SETD9: variants seen among roughly 807,000 people sequenced by gnomAD.
SETD9 encodes the protein SET domain containing 9, also known as SET domain-containing protein 9.
SETD9 carries 37 observed loss-of-function variants against 36.4 expected under a neutral mutation model. The ratio of observed to expected loss-of-function variants is 1.02; its 90% CI spans 0.78 to 1.34. The LOEUF is 1.34. SETD9 is among the 40% of genes most tolerant of loss of function. SETD9 has a pLI of 0.00. For missense variants in SETD9, 323 were observed against 353.2 expected (o/e 0.91, Z 0.69); for synonymous variants, 128 against 132.9 (o/e 0.96, Z 0.26).
At chr5:56,914,712 A>T (rs981056891) in intron 4 of SETD9, 149 bp from the exon 5 acceptor site, 9 of 372,772 alleles carry the variant, frequency 2.4e-5, no homozygotes, top group Middle Eastern at 7.4e-4. Context: ...TACGTAAATA[A>T]ACTCTGACAG....
rs370869934 is a variant in SETD9, at chr5:56,911,519, T to C, written c.449T>C (p.Val150Ala). 2.5e-6 allele frequency: 4 copies of C among 1,571,684 alleles called. No individual in the cohort carries two copies. The highest frequency in any genetic ancestry group is 2.6e-6 in the Non-Finnish European group (3 of 1,163,690). Reference protein sequence around the residue: ...VTKGLVPKGAVVSMYPGTVYQ... With the variant: ...VTKGLVPKGAAVSMYPGTVYQ... ...AAAGGATTGGTACCAAAAGGCGCAG[T>C]CGTATCTATGTATCCTGGTAACAGC... The change falls in exon 2 of 6, where the codon GTC (valine) becomes GCC (alanine). Residue 150 changes from valine to alanine, a missense_variant. By Grantham distance (64) the Val-to-Ala change is moderately conservative. Transcript: ENST00000285947.
intron 1 of SETD9, 101 bp downstream of exon 1, chr5:56,909,844 G>C (rs1749008644): frequency 1.1e-6 from 1 of 898,060 alleles, no homozygotes; most frequent in Non-Finnish European, 1.6e-6. Flanking sequence ...CTGACTGCCG[G>C]CCTGAGATGG....
downstream of SETD9, chr5:56,925,565 T>C (rs1749929257): frequency 4.7e-6 from 1 of 210,992 alleles, no homozygotes; most frequent in Non-Finnish European, 9.7e-6. Flanking sequence ...ATGCAAAATC[T>C]GTATGAGAAA....
downstream of SETD9, chr5:56,928,667 A>T (rs1750122328): frequency 1.3e-6 from 1 of 762,112 alleles, no homozygotes; most frequent in Admixed American, 2.7e-5. Flanking sequence ...ATAAGGGAAC[A>T]TTAGTAAGTT....
intron 5 of SETD9, chr5:56,922,948 A>T: frequency 1.6e-6 from 1 of 607,956 alleles, no homozygotes; most frequent in Non-Finnish European, 2.9e-6. Flanking sequence ...GTTCATTTCC[A>T]CATTTATGGA....
At chr5:56,912,767 A>G (rs1749213274) in intron 2 of SETD9, among the ~76,000 whole-genome samples, 1 of 152,192 alleles carries the variant, frequency 6.6e-6, no homozygotes, top group Non-Finnish European at 1.5e-5. Context: ...GTATATGTAT[A>G]TATATGACTT....
At chr5:56,923,460 A>G in intron 5 of SETD9, 1 of 1,614,114 alleles carries the variant, frequency 6.2e-7, no homozygotes. Flanking sequence ...AGGGTGAGTA[A>G]CTCTTCTGTT....
intron 1 of SETD9, 92 bp from the exon 2 acceptor site, chr5:56,911,077 A>T: frequency 7.2e-7 from 1 of 1,389,448 alleles, no homozygotes; most frequent in Non-Finnish European, 9.7e-7. Context: ...ATAAGCTTAT[A>T]GTTCCTTAAG....
At chr5:56,924,190 T>A in intron 5 of SETD9, 1 of 769,792 alleles carries the variant, frequency 1.3e-6, no homozygotes, top group Non-Finnish European at 1.9e-6. Flanking sequence ...TATAAAGTTC[T>A]GAACACTTTG....
downstream of SETD9, among the ~76,000 whole-genome samples, chr5:56,918,151 A>G (rs757600509): frequency 6.6e-6 from 1 of 152,104 alleles, no homozygotes; most frequent in Non-Finnish European, 1.5e-5. Flanking sequence ...CACATGCATA[A>G]CCTGCTCATG....
At position 56,923,756 on chromosome 5, in the gene SETD9, C is replaced by T. The variant is rs199869699; in HGVS notation, c.813-1577C>T. The stretch of plus-strand genomic sequence containing the variant: ...CTGTTGATCAGGAATAGGCTCAGGC[C>T]GGTTAGAAGTTAAGGCTGAAGCATT... On this transcript the variant is annotated intron_variant, in intron 5 of 5. Coordinates refer to the SETD9 transcript ENST00000628593. The T allele has an allele frequency of 1.5e-5, 25 of 1,614,124 alleles. No homozygotes were observed. Among genetic ancestry groups the T allele is most frequent in the Middle Eastern group, 1.6e-4 (1 of 6,062 alleles).
At chr5:56,910,081 G>C in intron 1 of SETD9, 2 of 1,259,608 alleles carry the variant, frequency 1.6e-6, no homozygotes, top group South Asian at 3.2e-5. Flanking sequence ...CTCGCCAGCC[G>C]GATGTGTCGC....
chr5:56,914,884 C>T lies in SETD9; in HGVS notation c.730C>T (p.Gln244Ter), dbSNP rs1310760453. 2 of 1,600,176 alleles carry T rather than the reference C, an allele frequency of 1.2e-6. No individual in the cohort carries two copies. The highest frequency in any genetic ancestry group is 1.7e-6 in the Non-Finnish European group (2 of 1,170,590). The change falls in exon 5 of 6, where the codon CAG becomes TAG. Residue 244 changes from glutamine to a stop codon, truncating the protein, a stop_gained. Coordinates refer to ENST00000285947, the MANE Select transcript of SETD9 (RefSeq NM_153706.4). LOFTEE classifies it high-confidence loss of function. ...AGACAGAGCAGCTAATGTCTGTTAT[C>T]AGGAATTTGATGTGCCTGCAGTTTT... ...SNDRAANVCY[Q>*]EFDVPAVFPI... is the part of the protein sequence containing the mutation.
At chr5:56,923,309 G>A in intron 5 of SETD9, 1 of 1,614,170 alleles carries the variant, frequency 6.2e-7, no homozygotes, top group African/African-American at 1.3e-5. Flanking sequence ...ATTCATAAAG[G>A]ATTCAGGGAC....
downstream of SETD9, chr5:56,917,429 C>CTCTT (rs1344233552): frequency 1.6e-6 from 1 of 633,258 alleles, no homozygotes; most frequent in East Asian, 1.4e-4. Context: ...ATTTTCTTTA[C>CTCTT]TCTTTGAACA....
At chr5:56,917,397 A>G (rs1362448511), downstream of SETD9, 2 of 815,812 alleles carry the variant, frequency 2.5e-6, no homozygotes, top group East Asian at 1.2e-4. Flanking sequence ...GGCTGAGGGG[A>G]AAATGTGAGG....
intron 4 of SETD9, among the ~76,000 whole-genome samples, 196 bp from the exon 5 acceptor site, chr5:56,914,665 A>G (rs1188165371): frequency 6.6e-6 from 1 of 152,118 alleles, no homozygotes; most frequent in Non-Finnish European, 1.5e-5. Context: ...TTTATTTTAT[A>G]TATTTATGAT....
At chr5:56,921,512 T>C (rs988260530), downstream of SETD9, 1 of 152,644 alleles carries the variant, frequency 6.6e-6, no homozygotes, top group Non-Finnish European at 1.5e-5. Flanking sequence ...AATGTGCTAC[T>C]GCGTAAACAC....
chr5:56,910,394 G>T (rs1055045665), intron 1 of SETD9: 1 of 1,303,960 alleles, frequency 7.7e-7, no homozygotes, highest in African/African-American at 1.5e-5. Context: ...TTCGGATTGG[G>T]GTGAGTCCCG....
Sources: gnomAD v4.1 joint callset for allele counts (sites outside exome capture counted in the v4.1 genomes callset) on GRCh38, gnomAD v4.1.1 for gene constraint, MANE v1.5 for transcripts, NCBI Gene and HGNC (gene_info 2026-07-23, HGNC 2026-07-21) for gene names.